The following EPB41L4B variants were observed in gnomAD, a reference collection of about 807,000 sequenced individuals.
EPB41L4B encodes the protein band 4.1-like protein 4B.
EPB41L4B carries 30 observed loss-of-function variants against 112.5 expected under a neutral mutation model. That is an observed-to-expected ratio of 0.27 (90% CI 0.20 to 0.36). EPB41L4B has a LOEUF of 0.36. Among genes scored for constraint, EPB41L4B ranks in the 10% least tolerant of loss-of-function variants. The pLI is 1.00. For synonymous variants in EPB41L4B, 408 were observed against 439.7 expected (o/e 0.93, Z 0.90); for missense variants, 1,024 against 1,133.3 (o/e 0.90, Z 1.38).
At chr9:109,202,496 T>C (rs1832868533) in intron 19 of EPB41L4B, among the ~76,000 whole-genome samples, 1 of 152,202 alleles carries the variant, frequency 6.6e-6, no homozygotes, top group Admixed American at 6.5e-5. Context: ...CAGGAGTTTG[T>C]GTTTTTAAGA....
At chr9:109,257,341 G>T (rs140875198) in intron 7 of EPB41L4B, among the ~76,000 whole-genome samples, 5 of 152,092 alleles carry the variant, frequency 3.3e-5, no homozygotes, top group African/African-American at 1.2e-4. Flanking sequence ...GAGGGGTGGC[G>T]TTGGTAGTCC....
intron 11 of EPB41L4B, among the ~76,000 whole-genome samples, chr9:109,254,264 C>T (rs1404127099): frequency 2.0e-5 from 3 of 152,236 alleles, no homozygotes; most frequent in East Asian, 3.8e-4. Flanking sequence ...GACTGTCCTT[C>T]CCGCCTCACT....
At chr9:109,214,414 TGAAA>T (rs1311865051) in intron 16 of EPB41L4B, among the ~76,000 whole-genome samples, 1 of 152,094 alleles carries the variant, frequency 6.6e-6, no homozygotes, top group African/African-American at 2.4e-5. Context: ...ATCTGGGAGC[TGAAA>T]GAAAGAGGTG....
chr9:109,275,746 G>A (rs1835789733), intron 2 of EPB41L4B, among the ~76,000 whole-genome samples: 1 of 152,312 alleles, frequency 6.6e-6, no homozygotes, highest in South Asian at 2.1e-4. Flanking sequence ...CTAGGAAACT[G>A]AGACTCAAGA....
intron 25 of EPB41L4B, among the ~76,000 whole-genome samples, chr9:109,174,912 G>GTTTTTTTTTTTTTTTTTTTTTTTTTT (rs35440007): frequency 1.3e-5 from 1 of 74,530 alleles, no homozygotes; most frequent in Non-Finnish European, 2.4e-5. Flanking sequence ...TCAGTAAAGT[G>GTTTTTTTTTTTTTTTTTTTTTTTTTT]TTTTTTTTTT....
intron 24 of EPB41L4B, among the ~76,000 whole-genome samples, chr9:109,178,621 T>C (rs1338449779): frequency 3.3e-5 from 5 of 152,078 alleles, no homozygotes; most frequent in Admixed American, 6.5e-5. Context: ...GGGTTTTTTT[T>C]AGTAGAGATG....
intron 15 of EPB41L4B, chr9:109,241,939 A>T: frequency 1.2e-6 from 1 of 801,346 alleles, no homozygotes; most frequent in Non-Finnish European, 2.0e-6. Context: ...GATGGCTATG[A>T]ATGGAAATGA....
chr9:109,248,017 A>G (rs902276147), intron 13 of EPB41L4B, among the ~76,000 whole-genome samples: 1 of 152,238 alleles, frequency 6.6e-6, no homozygotes, highest in African/African-American at 2.4e-5. Flanking sequence ...TCACAAACAG[A>G]AACAGTAGGA....
Position 109,216,935 on chromosome 9 carries a change from G to A in EPB41L4B, c.1620C>T (p.Ser540=), listed in dbSNP as rs922164659. The change falls in exon 16 of 26, where the codon AGC becomes AGT. Residue 540 remains serine, a synonymous_variant. Coordinates refer to ENST00000374566, the MANE Select transcript of EPB41L4B (RefSeq NM_019114.5). ...ACCCCTACTCACTTGTAAGGGACTT[G>A]CTGCTGGAGTTTGGGGACCTCAGAG... ...EGPLRSPNSS[S]KSLTKLSPGT... is the part of the protein sequence containing the mutation. 2 of 1,614,082 alleles carry A rather than the reference G, an allele frequency of 1.2e-6. No homozygotes were observed.
intron 1 of EPB41L4B, among the ~76,000 whole-genome samples, chr9:109,287,544 C>T (rs1017013914): frequency 3.3e-5 from 5 of 152,204 alleles, no homozygotes; most frequent in East Asian, 1.9e-4. Context: ...TGCAAAAGCA[C>T]GGTGCCTATG....
At chr9:109,302,248 G>A (rs1379613274) in intron 1 of EPB41L4B, among the ~76,000 whole-genome samples, 5 of 152,116 alleles carry the variant, frequency 3.3e-5, no homozygotes, top group African/African-American at 4.8e-5. Flanking sequence ...TGTACACAGC[G>A]GGTCCTCAAT....
intron 1 of EPB41L4B, among the ~76,000 whole-genome samples, chr9:109,295,687 T>C (rs1164258109): frequency 6.6e-6 from 1 of 152,086 alleles, no homozygotes; most frequent in Non-Finnish European, 1.5e-5. Flanking sequence ...TTATGGACAT[T>C]ATCTGAACAG....
chr9:109,186,251 G>A (rs946322530), intron 22 of EPB41L4B, among the ~76,000 whole-genome samples: 2 of 151,370 alleles, frequency 1.3e-5, no homozygotes, highest in African/African-American at 2.4e-5. Flanking sequence ...GCAGTGTCAT[G>A]ATCTCAGCTC....
At chr9:109,295,690 C>T (rs1454874993) in intron 1 of EPB41L4B, among the ~76,000 whole-genome samples, 1 of 152,076 alleles carries the variant, frequency 6.6e-6, no homozygotes, top group Non-Finnish European at 1.5e-5. Flanking sequence ...TGGACATTAT[C>T]TGAACAGGAA....
chr9:109,279,749 C>A, intron 2 of EPB41L4B, 68 bp downstream of exon 2: 1 of 1,313,328 alleles, frequency 7.6e-7, no homozygotes, highest in South Asian at 1.2e-5. Context: ...CCATTTCTAG[C>A]AACTGTGGAC....
intron 1 of EPB41L4B, among the ~76,000 whole-genome samples, chr9:109,311,196 T>A (rs993777058): frequency 2.0e-5 from 3 of 152,212 alleles, no homozygotes; most frequent in African/African-American, 4.8e-5. Flanking sequence ...TAGTAAATTT[T>A]ATGTTATTTA....
At chr9:109,290,754 CCTCA>C (rs569954488) in intron 1 of EPB41L4B, among the ~76,000 whole-genome samples, 1,558 of 141,930 alleles carry the variant, frequency 0.011, 24 homozygotes, top group Admixed American at 0.04. Flanking sequence ...CATATATATA[CCTCA>C]CACACACACA....
chr9:109,274,662 T>C (rs948491287), intron 2 of EPB41L4B, among the ~76,000 whole-genome samples: 1 of 152,180 alleles, frequency 6.6e-6, no homozygotes, highest in East Asian at 1.9e-4. Context: ...TATATATGTA[T>C]GTACGCATGA....
chr9:109,218,779 C>T (rs1407103177), intron 15 of EPB41L4B, among the ~76,000 whole-genome samples: 2 of 152,214 alleles, frequency 1.3e-5, no homozygotes, highest in Non-Finnish European at 2.9e-5. Context: ...AATACCCCTT[C>T]TTCCAGGAAG....
Sources: allele counts gnomAD v4.1 joint callset (sites outside exome capture counted in the v4.1 genomes callset), GRCh38; gene constraint gnomAD v4.1.1; transcripts MANE v1.5; gene names NCBI Gene and HGNC (gene_info 2026-07-23, HGNC 2026-07-21).